Variants in GNA14 observed in about 807,000 individuals in gnomAD.
GNA14 encodes guanine nucleotide-binding protein subunit alpha-14.
A neutral mutation model predicts 42.0 loss-of-function variants in GNA14; 50 were observed. The ratio of observed to expected loss-of-function variants is 1.19; its 90% CI spans 0.95 to 1.51. GNA14 has a LOEUF of 1.51. GNA14 is among the 40% of genes most tolerant of loss of function. GNA14 has a pLI of 0.00. For missense variants in GNA14, 473 were observed against 446.2 expected (o/e 1.06, Z -0.54); for synonymous variants, 173 against 163.1 (o/e 1.06, Z -0.46).
chr9:77,490,913 G>A (rs1043860599), intron 2 of GNA14, among the ~76,000 whole-genome samples: 3 of 152,252 alleles, frequency 2.0e-5, no homozygotes, highest in African/African-American at 7.2e-5. Context: ...GCGAGCAAGG[G>A]CTGTGAGGAC....
At chr9:77,596,935 T>C (rs1287634651) in intron 1 of GNA14, among the ~76,000 whole-genome samples, 1 of 152,188 alleles carries the variant, frequency 6.6e-6, no homozygotes, top group Non-Finnish European at 1.5e-5. Context: ...ACGGAACCAG[T>C]GTTCACCTTA....
intron 1 of GNA14, among the ~76,000 whole-genome samples, chr9:77,588,937 G>T (rs1823346781): frequency 6.6e-6 from 1 of 152,166 alleles, no homozygotes; most frequent in Non-Finnish European, 1.5e-5. Flanking sequence ...CACATTGGGG[G>T]TTCACATGCT....
chr9:77,488,635 C>T (rs1226845426), intron 2 of GNA14, among the ~76,000 whole-genome samples: 1 of 152,034 alleles, frequency 6.6e-6, no homozygotes. Flanking sequence ...CTCACCCATT[C>T]AGATGGGCAG....
chr9:77,533,601 C>T (rs1587820825), intron 1 of GNA14, among the ~76,000 whole-genome samples: 1 of 152,182 alleles, frequency 6.6e-6, no homozygotes, highest in Admixed American at 6.5e-5. Context: ...CACTAGAAGA[C>T]TTAACGTCCC....
chr9:77,507,677 T>C (rs1234309116), intron 2 of GNA14, among the ~76,000 whole-genome samples: 1 of 152,282 alleles, frequency 6.6e-6, no homozygotes, highest in Admixed American at 6.5e-5. Context: ...ACGGCTCCTC[T>C]TTTCCTAATT....
chr9:77,614,639 G>A (rs556750586), intron 1 of GNA14, among the ~76,000 whole-genome samples: 10 of 152,076 alleles, frequency 6.6e-5, no homozygotes, highest in African/African-American at 1.9e-4. Context: ...TCCACACAGA[G>A]AGAAAATGCT....
In GNA14 at chr9:77,429,011, A is replaced by C. The variant is rs1472626210; in HGVS notation, c.619T>G (p.Ser207Ala). 1.9e-6 allele frequency: 3 copies of C among 1,614,060 alleles called. No homozygotes were observed. Among genetic ancestry groups the C allele is most frequent in the Non-Finnish European group, 2.5e-6 (3 of 1,179,962 alleles). ...FRMVDVGGQR[S>A]ERRKWIHCFE... is the part of the protein sequence containing the mutation. ...CAGTGAATCCACTTCCGTCTTTCCG[A>C]TCGTTGGCCACCAACATCCACCATC... Residue 207 changes from serine (S) to alanine (A), a missense_variant, in exon 5 of 7, where the codon TCG becomes GCG. Coordinates refer to ENST00000341700, the MANE Select transcript of GNA14 (RefSeq NM_004297.4).
intron 2 of GNA14, among the ~76,000 whole-genome samples, chr9:77,526,962 AC>A (rs1837449554): frequency 6.6e-6 from 1 of 152,120 alleles, no homozygotes; most frequent in African/African-American, 2.4e-5. Context: ...AAAAGCAAAA[AC>A]CTAGAAGCTT....
At chr9:77,479,822 G>C (rs972045429) in intron 2 of GNA14, among the ~76,000 whole-genome samples, 1 of 151,970 alleles carries the variant, frequency 6.6e-6, no homozygotes, top group Non-Finnish European at 1.5e-5. Flanking sequence ...ATTGTGAATG[G>C]GAGTTCACTC....
chr9:77,457,349 T>C (rs1474689176), intron 2 of GNA14, among the ~76,000 whole-genome samples: 1 of 152,270 alleles, frequency 6.6e-6, no homozygotes, highest in African/African-American at 2.4e-5. Context: ...CTATGTTCTA[T>C]AAATTCGAAT....
intron 2 of GNA14, among the ~76,000 whole-genome samples, chr9:77,472,183 C>G (rs1443861): frequency 0.6 from 90,590 of 152,044 alleles, 27,939 homozygotes; most frequent in East Asian, 0.82. Context: ...CTGTGCACTA[C>G]GACTTCTGAT....
At chr9:77,623,452 A>C (rs1823965485) in intron 1 of GNA14, among the ~76,000 whole-genome samples, 1 of 152,126 alleles carries the variant, frequency 6.6e-6, no homozygotes, top group South Asian at 2.1e-4. Context: ...AATCAAACAC[A>C]TATTAATAAT....
intron 2 of GNA14, among the ~76,000 whole-genome samples, chr9:77,493,018 A>T (rs1314851069): frequency 0.025 from 2,195 of 88,136 alleles, 18 homozygotes; most frequent in African/African-American, 0.054. Context: ...AAAAAAAAAA[A>T]AAAAAAAAAT....
At chr9:77,532,788 C>A (rs971137832) in intron 1 of GNA14, among the ~76,000 whole-genome samples, 7 of 152,178 alleles carry the variant, frequency 4.6e-5, no homozygotes, top group Admixed American at 4.6e-4. Flanking sequence ...CGCACCCCCA[C>A]AAAATGCATG....
intron 1 of GNA14, among the ~76,000 whole-genome samples, chr9:77,591,921 T>G (rs1823396849): frequency 6.7e-6 from 1 of 150,304 alleles, no homozygotes; most frequent in Non-Finnish European, 1.5e-5. Context: ...TTTTTTGGTT[T>G]TTTTTTTTTT....
chr9:77,547,320 G>GA (rs1837732319), intron 1 of GNA14, among the ~76,000 whole-genome samples: 1 of 152,138 alleles, frequency 6.6e-6, no homozygotes, highest in African/African-American at 2.4e-5. Flanking sequence ...CTACTTAGGG[G>GA]AAAAATATCT....
intron 2 of GNA14, among the ~76,000 whole-genome samples, chr9:77,509,659 G>A (rs1837127547): frequency 6.6e-6 from 1 of 152,188 alleles, no homozygotes; most frequent in African/African-American, 2.4e-5. Context: ...AATGGGTGGA[G>A]AACAGGATGT....
intron 1 of GNA14, among the ~76,000 whole-genome samples, chr9:77,537,823 T>A (rs1837615236): frequency 6.6e-6 from 1 of 152,172 alleles, no homozygotes; most frequent in Admixed American, 6.5e-5. Flanking sequence ...TTCCTGACAA[T>A]CAGTGATGTT....
intron 2 of GNA14, among the ~76,000 whole-genome samples, chr9:77,437,357 C>T (rs1284927450): frequency 6.6e-6 from 1 of 152,184 alleles, no homozygotes; most frequent in African/African-American, 2.4e-5. Flanking sequence ...CCAGCATGTC[C>T]AACATGGTGA....
Sources: gnomAD v4.1 joint callset for allele counts (sites outside exome capture counted in the v4.1 genomes callset) on GRCh38, gnomAD v4.1.1 for gene constraint, MANE v1.5 for transcripts, NCBI Gene and HGNC (gene_info 2026-07-23, HGNC 2026-07-21) for gene names.